Variants in AKAP10 observed in about 807,000 individuals in gnomAD.
AKAP10 encodes the protein A-kinase anchoring protein 10, also known as A-kinase anchor protein 10, mitochondrial.
A neutral mutation model predicts 80.8 loss-of-function variants in AKAP10; 24 were observed. The observed-to-expected ratio is 0.30, with a 90% confidence interval of 0.22 to 0.42. The LOEUF (loss-of-function observed/expected upper bound fraction) is 0.42, where lower values mean the gene tolerates loss of function less well. AKAP10 is among the 10% of genes least tolerant of loss of function. The pLI, the probability that AKAP10 is intolerant of heterozygous loss-of-function variation, is 1.00. For missense variants in AKAP10, 661 were observed against 794.9 expected, an observed-to-expected ratio of 0.83 and a Z score of 2.03; for synonymous variants, 291 against 277.7, an observed-to-expected ratio of 1.05 and a Z score of -0.48.
rs2043311146 is a variant in AKAP10, at chr17:19,958,582, GA to G, written c.320-12del. 6.4e-7 allele frequency: 1 copy of G among 1,572,412 alleles called. No individual in the cohort carries two copies. Among genetic ancestry groups the G allele is most frequent in the South Asian group, 1.1e-5 (1 of 87,022 alleles). ...CCAGACAAGATCTGCCTAAAAGATAGAAGCAAAAGAATTAGCAGTTCAGCAA... is the reference window on the plus strand; with the variant it reads ...CCAGACAAGATCTGCCTAAAAGATAGAGCAAAAGAATTAGCAGTTCAGCAA... On this transcript the variant is annotated splice_polypyrimidine_tract_variant and intron_variant, in intron 3 of 14. Coordinates refer to ENST00000225737, the MANE Select transcript of AKAP10 (RefSeq NM_007202.4).
rs775862047 is a variant in AKAP10 at position 19,906,187 on chromosome 17, T to C, written c.*40A>G. On this transcript the variant is annotated 3_prime_UTR_variant, in exon 15 of 15. Transcript: ENST00000225737. ...TCCAACCAAGGGAAAAAAGTTCTCT[T>C]ATTTTTCACAAGCAGATTTCCTTTA... 1 of 1,596,154 alleles carries C rather than the reference T, an allele frequency of 6.3e-7. No individual in the cohort carries two copies. Among genetic ancestry groups the C allele is most frequent in the Admixed American group, 1.7e-5 (1 of 59,000 alleles).
Position 19,964,653 on chromosome 17 carries a change from A to C in AKAP10, c.137-1631T>G, listed in dbSNP as rs1194634417. 2.6e-5 allele frequency among the ~76,000 whole-genome samples: 4 copies of C among 151,826 alleles called. No homozygotes were observed. In the East Asian group the frequency reaches 6.1e-4, roughly 23 times the overall value. ...ACGCCTGTAATCCCAGAACTTTTGG[A>C]GGCTGAGGCAGGCAGATCACGAGGC... On this transcript the variant is annotated intron_variant, in intron 2 of 14. Transcript: ENST00000225737.
chr17:19,967,074 G>C (rs2043429317), intron 2 of AKAP10, among the ~76,000 whole-genome samples: 2 of 151,936 alleles, frequency 1.3e-5, no homozygotes. Context: ...CTCAGTGCAA[G>C]CAATACAACA....
At chr17:19,908,868 G>A (rs1034152902) in intron 14 of AKAP10, among the ~76,000 whole-genome samples, 1 of 152,066 alleles carries the variant, frequency 6.6e-6, no homozygotes, top group African/African-American at 2.4e-5. Flanking sequence ...TGATTCACCC[G>A]CCTTGGCCTC....
chr17:19,950,389 C>T (rs2043186412), intron 4 of AKAP10, among the ~76,000 whole-genome samples: 1 of 152,234 alleles, frequency 6.6e-6, no homozygotes, highest in Non-Finnish European at 1.5e-5. Context: ...GCCGCCATCT[C>T]GGCTCACTGC....
intron 5 of AKAP10, among the ~76,000 whole-genome samples, chr17:19,946,745 G>A (rs748886091): frequency 3.0e-4 from 45 of 149,254 alleles, no homozygotes; most frequent in Admixed American, 1.2e-3. Flanking sequence ...ACATGAGGCT[G>A]CCCTCCTCCT....
chr17:19,952,933 C>T (rs892842820), intron 4 of AKAP10, among the ~76,000 whole-genome samples: 17 of 152,150 alleles, frequency 1.1e-4, no homozygotes, highest in African/African-American at 4.1e-4. Flanking sequence ...ACTAAATCAA[C>T]TTGACATTTA....
At chr17:19,932,618 TAA>T (rs913424722) in intron 9 of AKAP10, among the ~76,000 whole-genome samples, 1 of 152,146 alleles carries the variant, frequency 6.6e-6, no homozygotes, top group East Asian at 1.9e-4. Flanking sequence ...TGATAAATGT[TAA>T]AGTCTTTGTG....
rs142084873 is a variant in AKAP10 at position 19,924,468 on chromosome 17, G to T, written c.1691C>A (p.Ala564Glu). ...SIKILKNFDE[A>E]IIVDAASLDP... Reference sequence around the variant, plus strand: ...CAGACTTGCCGCATCCACAATTATCGCTTCATCAAAATTTTTCAGTATTTT... The same window carrying T: ...CAGACTTGCCGCATCCACAATTATCTCTTCATCAAAATTTTTCAGTATTTT... The change falls in exon 11 of 15, where the codon GCG (alanine) becomes GAG (glutamate). Residue 564 changes from alanine (A) to glutamate (E), a missense_variant. Transcript: ENST00000225737. The T allele has an allele frequency of 6.2e-7, 1 of 1,605,904 alleles. No homozygotes were observed. The highest frequency in any genetic ancestry group is 1.1e-5 in the South Asian group (1 of 89,660).
Position 19,946,191 on chromosome 17 carries a change from C to A in AKAP10, c.976+1216G>T, listed in dbSNP as rs1307513018. ...AATATATACTATATATGCATATATACTAATACATATATTTTATATATATAT... is the reference window on the plus strand; with the variant it reads ...AATATATACTATATATGCATATATAATAATACATATATTTTATATATATAT... On this transcript the variant is annotated intron_variant, in intron 5 of 14. Transcript: ENST00000225737. Among the ~76,000 whole-genome samples the A allele has an allele frequency of 6.2e-5, 4 of 64,312 alleles. 1 individual carries two copies. Among genetic ancestry groups the A allele is most frequent in the African/African-American group, 1.3e-4 (2 of 15,366 alleles). The allele number at this position is 64,312 out of a possible 152,430, so 42.2% of individuals were successfully genotyped here.
At chr17:19,962,199 GATATTT>G (rs2043358215) in intron 3 of AKAP10, among the ~76,000 whole-genome samples, 1 of 152,112 alleles carries the variant, frequency 6.6e-6, no homozygotes, top group South Asian at 2.1e-4. Context: ...CCCTATAACA[GATATTT>G]ATATGTTGTC....
intron 13 of AKAP10, 126 bp from the exon 14 acceptor site, chr17:19,909,402 C>T: frequency 1.2e-6 from 1 of 855,360 alleles, no homozygotes; most frequent in Non-Finnish European, 1.7e-6. Context: ...GAATTTCATT[C>T]CCATGTACGA....
At chr17:19,930,416 C>G (rs181294651) in intron 10 of AKAP10, among the ~76,000 whole-genome samples, 1 of 152,086 alleles carries the variant, frequency 6.6e-6, no homozygotes, top group East Asian at 1.9e-4. Context: ...TGAAAGCACT[C>G]CAAAAAACCC....
intron 12 of AKAP10, among the ~76,000 whole-genome samples, chr17:19,910,474 A>G (rs1283685401): frequency 1.3e-5 from 2 of 152,252 alleles, no homozygotes; most frequent in Non-Finnish European, 2.9e-5. Flanking sequence ...TATTGCTTAC[A>G]TAACAGAGCA....
rs192066675 is a variant in AKAP10, at chr17:19,933,975, G to A, written c.1468-1997C>T. Reference sequence around the variant, plus strand: ...TTGCTCTTGTTGCCCAGGCTGGAGTGCAATGGTGCGATCTCAGCTCACTGC... The same window carrying A: ...TTGCTCTTGTTGCCCAGGCTGGAGTACAATGGTGCGATCTCAGCTCACTGC... On this transcript the variant is annotated intron_variant, in intron 9 of 14. Transcript: ENST00000225737. Among the ~76,000 whole-genome samples, 911 of 152,198 alleles carry A rather than the reference G, an allele frequency of 6.0e-3. 8 individuals are homozygous for A. Among genetic ancestry groups the A allele is most frequent in the African/African-American group, 0.021 (864 of 41,536 alleles).
intron 5 of AKAP10, among the ~76,000 whole-genome samples, chr17:19,946,233 TATA>T (rs1597510088): frequency 1.1e-4 from 2 of 17,548 alleles, no homozygotes; most frequent in African/African-American, 4.5e-4. Flanking sequence ...TATATATATA[TATA>T]TTATATATAT....
At chr17:19,919,200 G>A (rs1208492203) in intron 12 of AKAP10, among the ~76,000 whole-genome samples, 1 of 151,828 alleles carries the variant, frequency 6.6e-6, no homozygotes, top group East Asian at 1.9e-4. Context: ...CCTTGAGACA[G>A]TTTGCTCAGA....
At chr17:19,906,658 G>C (rs1460500820) in intron 14 of AKAP10, among the ~76,000 whole-genome samples, 1 of 152,210 alleles carries the variant, frequency 6.6e-6, no homozygotes, top group African/African-American at 2.4e-5. Context: ...TATCACGGAA[G>C]ACAAGGTCCC....
At chr17:19,947,528 C>T in intron 4 of AKAP10, 23 bp from the exon 5 acceptor site, 1 of 1,549,302 alleles carries the variant, frequency 6.5e-7, no homozygotes, top group African/African-American at 1.4e-5. Flanking sequence ...AAGAGAACTT[C>T]AAAAACCAAA....
Sources: gnomAD v4.1 joint callset for allele counts (sites outside exome capture counted in the v4.1 genomes callset) on GRCh38, gnomAD v4.1.1 for gene constraint, MANE v1.5 for transcripts, NCBI Gene and HGNC (gene_info 2026-07-23, HGNC 2026-07-21) for gene names.